CNTNAP2: variants seen among roughly 807,000 people sequenced by gnomAD.
CNTNAP2 encodes contactin associated protein 2, also known as contactin-associated protein-like 2.
In CNTNAP2, 98 loss-of-function variants were observed where a neutral mutation model predicts 155.2. That is an observed-to-expected ratio of 0.63 (90% CI 0.54 to 0.75). The LOEUF (loss-of-function observed/expected upper bound fraction) is 0.75. CNTNAP2 is among the 30% of genes least tolerant of loss of function. The probability of loss-of-function intolerance (pLI) is 0.00; values close to 1 mark genes in which losing one functional copy is unlikely to be tolerated. For missense variants in CNTNAP2, 1,727 were observed against 1,688.1 expected (o/e 1.02, Z -0.40); for synonymous variants, 651 against 631.2 (o/e 1.03, Z -0.47).
At chr7:146,820,802 A>T (rs1251912668) in intron 2 of CNTNAP2, among the ~76,000 whole-genome samples, 3 of 152,210 alleles carry the variant, frequency 2.0e-5, no homozygotes, top group East Asian at 1.9e-4. Flanking sequence ...TGGGAGTCTC[A>T]GTCTCTGTAG....
intron 23 of CNTNAP2, among the ~76,000 whole-genome samples, chr7:148,413,401 A>AAAAAAAAAATATATAT (rs1442990213): frequency 2.2e-5 from 1 of 45,368 alleles, no homozygotes; most frequent in Non-Finnish European, 4.2e-5. Flanking sequence ...TCAAAAAAAA[A>AAAAAAAAAATATATAT]ATATATATAT....
chr7:146,962,704 C>T (rs942789590), intron 3 of CNTNAP2, among the ~76,000 whole-genome samples: 3 of 152,144 alleles, frequency 2.0e-5, no homozygotes, highest in Non-Finnish European at 2.9e-5. Flanking sequence ...GCAGGCGCCA[C>T]CACATCCAGC....
intron 9 of CNTNAP2, among the ~76,000 whole-genome samples, chr7:147,340,825 T>A (rs185067994): frequency 3.3e-5 from 5 of 152,214 alleles, no homozygotes; most frequent in Admixed American, 2.6e-4. Flanking sequence ...ATACAATCAC[T>A]ATCTTTTTGA....
intron 4 of CNTNAP2, among the ~76,000 whole-genome samples, chr7:147,059,274 A>T (rs1479858513): frequency 6.6e-6 from 1 of 152,124 alleles, no homozygotes; most frequent in East Asian, 1.9e-4. Flanking sequence ...TGATGCCATT[A>T]AATTGGTTTG....
chr7:146,765,506 G>T (rs1204418986), intron 1 of CNTNAP2, among the ~76,000 whole-genome samples: 1 of 152,154 alleles, frequency 6.6e-6, no homozygotes, highest in Non-Finnish European at 1.5e-5. Context: ...TCTTATCATT[G>T]TCAGTAATTC....
At chr7:148,397,291 G>T (rs187766810) in intron 22 of CNTNAP2, among the ~76,000 whole-genome samples, 2 of 152,316 alleles carry the variant, frequency 1.3e-5, no homozygotes, top group South Asian at 2.1e-4. Flanking sequence ...CCATCCCAGA[G>T]GATTCCTGGT....
intron 12 of CNTNAP2, among the ~76,000 whole-genome samples, chr7:147,637,188 T>C (rs1346774984): frequency 6.6e-6 from 1 of 152,142 alleles, no homozygotes; most frequent in Non-Finnish European, 1.5e-5. Context: ...GAATCTCACT[T>C]ATATTTGAAA....
chr7:148,340,398 T>G (rs1040562113), intron 21 of CNTNAP2, among the ~76,000 whole-genome samples: 1 of 152,200 alleles, frequency 6.6e-6, no homozygotes, highest in African/African-American at 2.4e-5. Context: ...CAGTTTGCCT[T>G]TGTCCCTAAG....
chr7:146,132,848 T>A (rs1797737176), intron 1 of CNTNAP2, among the ~76,000 whole-genome samples: 2 of 148,672 alleles, frequency 1.3e-5, no homozygotes, highest in African/African-American at 5.0e-5. Context: ...GTCTTTGCTA[T>A]TGTGAATAAT....
At chr7:146,171,660 T>C (rs989116501) in intron 1 of CNTNAP2, among the ~76,000 whole-genome samples, 1 of 142,666 alleles carries the variant, frequency 7.0e-6, no homozygotes, top group Non-Finnish European at 1.5e-5. Flanking sequence ...AGTTTGGGAA[T>C]TTTCTTTGGC....
At chr7:147,519,246 C>T (rs559919996) in intron 11 of CNTNAP2, among the ~76,000 whole-genome samples, 38 of 152,138 alleles carry the variant, frequency 2.5e-4, no homozygotes, top group East Asian at 5.8e-4. Context: ...GGAGGCCTCC[C>T]GCATTCCTGG....
chr7:147,682,635 A>G (rs570553830), intron 13 of CNTNAP2, among the ~76,000 whole-genome samples: 1 of 151,804 alleles, frequency 6.6e-6, no homozygotes, highest in Admixed American at 6.6e-5. Flanking sequence ...AATTATTGGG[A>G]CTCTTACATT....
intron 1 of CNTNAP2, among the ~76,000 whole-genome samples, chr7:146,123,664 G>C (rs1022515448): frequency 1.3e-5 from 2 of 151,400 alleles, no homozygotes; most frequent in Admixed American, 6.6e-5. Flanking sequence ...CATCTATGCT[G>C]TTCAATTATA....
At chr7:146,756,049 C>T (rs1473471692) in intron 1 of CNTNAP2, among the ~76,000 whole-genome samples, 2 of 151,700 alleles carry the variant, frequency 1.3e-5, no homozygotes, top group South Asian at 2.1e-4. Context: ...ATATGATATT[C>T]TAGAATCTAA....
At chr7:146,886,820 G>A (rs904438120) in intron 3 of CNTNAP2, among the ~76,000 whole-genome samples, 7 of 150,404 alleles carry the variant, frequency 4.7e-5, no homozygotes, top group Non-Finnish European at 7.4e-5. Flanking sequence ...GCGTGAACAC[G>A]AAATGGATTT....
At chr7:147,202,133 T>C (rs185917453) in intron 8 of CNTNAP2, among the ~76,000 whole-genome samples, 1 of 150,856 alleles carries the variant, frequency 6.6e-6, no homozygotes, top group East Asian at 2.0e-4. Flanking sequence ...GAAAAAATAG[T>C]AAAGATAAAA....
intron 3 of CNTNAP2, among the ~76,000 whole-genome samples, chr7:146,988,878 A>C (rs1358791819): frequency 6.6e-6 from 1 of 152,212 alleles, no homozygotes; most frequent in South Asian, 2.1e-4. Context: ...CAACATCTGC[A>C]TCTGTTGTGA....
At chr7:148,156,498 T>C (rs1430867021) in intron 17 of CNTNAP2, among the ~76,000 whole-genome samples, 1 of 152,086 alleles carries the variant, frequency 6.6e-6, no homozygotes, top group East Asian at 1.9e-4. Flanking sequence ...CACTAAGCAT[T>C]GCAGTGTCAC....
At chr7:147,025,023 C>T (rs1798877304) in intron 3 of CNTNAP2, among the ~76,000 whole-genome samples, 1 of 151,726 alleles carries the variant, frequency 6.6e-6, no homozygotes, top group South Asian at 2.1e-4. Context: ...GTGGCTCAAG[C>T]CTGTAATTCT....
Sources: allele counts gnomAD v4.1 joint callset (sites outside exome capture counted in the v4.1 genomes callset), GRCh38; gene constraint gnomAD v4.1.1; transcripts MANE v1.5; gene names NCBI Gene and HGNC (gene_info 2026-07-23, HGNC 2026-07-21).